RIMS2: variants seen among roughly 807,000 people sequenced by gnomAD.
RIMS2 encodes the protein regulating synaptic membrane exocytosis 2, also known as regulating synaptic membrane exocytosis protein 2.
A neutral mutation model predicts 174.4 loss-of-function variants in RIMS2; 59 were observed. That is an observed-to-expected ratio of 0.34 (90% confidence interval 0.27 to 0.42). The LOEUF (loss-of-function observed/expected upper bound fraction) is 0.42. RIMS2 is among the 10% of genes least tolerant of loss of function. RIMS2 has a pLI of 1.00. For synonymous variants in RIMS2, 606 were observed against 572.5 expected (o/e 1.06, Z -0.84); for missense variants, 1,620 against 1,666.3 (o/e 0.97, Z 0.48).
intron 19 of RIMS2, among the ~76,000 whole-genome samples, chr8:104,096,872 C>G (rs1442668672): frequency 1.5e-5 from 2 of 133,766 alleles, no homozygotes; most frequent in Admixed American, 1.5e-4. Context: ...ATCCGCCCCC[C>G]ACCAAAAAAA....
chr8:104,068,808 A>T (rs1368662162), intron 19 of RIMS2, among the ~76,000 whole-genome samples, 196 bp downstream of exon 23: 4 of 152,222 alleles, frequency 2.6e-5, no homozygotes, highest in Non-Finnish European at 5.9e-5. Context: ...AAAAACTATT[A>T]TAAAATACAG....
At chr8:103,920,888 A>T (rs1479862425) in intron 9 of RIMS2, 1 of 333,040 alleles carries the variant, frequency 3.0e-6, no homozygotes, top group Non-Finnish European at 5.8e-6. Context: ...AGTCCCAGCT[A>T]CTTGGGAGGC....
At chr8:104,073,132 A>G (rs2097222698) in intron 19 of RIMS2, among the ~76,000 whole-genome samples, 1 of 152,174 alleles carries the variant, frequency 6.6e-6, no homozygotes, top group South Asian at 2.1e-4. Flanking sequence ...TTAACAGTGT[A>G]AATTATGGTT....
rs1459468943 is a variant in RIMS2 at position 104,085,675 on chromosome 8, T to C, written c.3334+71060T>C. Among the ~76,000 whole-genome samples, 22 of 152,286 alleles carry C rather than the reference T, an allele frequency of 1.4e-4. 1 individual carries two copies. In the South Asian group the frequency reaches 4.4e-3, roughly 30 times the overall value. On this transcript the variant is annotated intron_variant, in intron 19 of 23. Transcript: ENST00000504942. ...CCGATAGCTAAATATTTAGATAATA[T>C]TTGTTTCCATTAAATGACTAAGTAA...
At chr8:104,188,229 A>AGATC (rs1554594318) in intron 19 of RIMS2, among the ~76,000 whole-genome samples, 8 of 131,528 alleles carry the variant, frequency 6.1e-5, no homozygotes, top group African/African-American at 1.8e-4. Flanking sequence ...TCAGATAGAT[A>AGATC]GATAGATAGA....
intron 2 of RIMS2, among the ~76,000 whole-genome samples, chr8:103,759,746 T>A (rs1591815540): frequency 1.3e-5 from 2 of 152,182 alleles, no homozygotes; most frequent in South Asian, 4.2e-4. Flanking sequence ...AATAGACAGC[T>A]TTTGCCATAG....
chr8:104,233,030 G>A (rs915861136), intron 19 of RIMS2, among the ~76,000 whole-genome samples: 14 of 151,992 alleles, frequency 9.2e-5, no homozygotes, highest in African/African-American at 3.4e-4. Context: ...TTAAATAAGA[G>A]TTTGTCATAT....
chr8:103,930,599 C>T (rs1271454654), intron 11 of RIMS2, among the ~76,000 whole-genome samples: 1 of 152,058 alleles, frequency 6.6e-6, no homozygotes, highest in Non-Finnish European at 1.5e-5. Flanking sequence ...AAATTGTTCT[C>T]ATTTTCTTAT....
At chr8:103,854,283 G>A (rs1426450321) in intron 3 of RIMS2, among the ~76,000 whole-genome samples, 1 of 151,976 alleles carries the variant, frequency 6.6e-6, no homozygotes, top group Admixed American at 6.6e-5. Context: ...GGTTTCCTAG[G>A]TATAGAATTA....
At chr8:103,907,984 G>A (rs562725968) in intron 4 of RIMS2, among the ~76,000 whole-genome samples, 65 of 151,524 alleles carry the variant, frequency 4.3e-4, no homozygotes, top group African/African-American at 1.2e-3. Context: ...TCCTGACCTC[G>A]AGATCCGCCC....
At chr8:103,916,307 A>G in intron 7 of RIMS2, 107 bp from the exon 11 acceptor site, 1 of 746,650 alleles carries the variant, frequency 1.3e-6, no homozygotes, top group Non-Finnish European at 2.2e-6. Context: ...GTATTGTATA[A>G]TGGTTATTTT....
At chr8:103,596,121 T>C (rs2094469974) in intron 1 of RIMS2, among the ~76,000 whole-genome samples, 1 of 152,048 alleles carries the variant, frequency 6.6e-6, no homozygotes, top group Admixed American at 6.6e-5. Flanking sequence ...TTTTATGTAC[T>C]TCTTAAATAA....
At chr8:103,697,226 A>G in exon 2 of RIMS2, 2 of 1,613,868 alleles carry the variant, frequency 1.2e-6, no homozygotes, top group Non-Finnish European at 1.7e-6. Flanking sequence ...GGATGTGGCC[A>G]TAACTGTTCA....
At chr8:103,881,996 A>T (rs1328575871) in intron 3 of RIMS2, among the ~76,000 whole-genome samples, 1 of 151,488 alleles carries the variant, frequency 6.6e-6, no homozygotes, top group African/African-American at 2.4e-5. Flanking sequence ...GAAAGGCATA[A>T]TTTTGGATTC....
At chr8:103,830,747 C>A (rs1347382180) in intron 3 of RIMS2, among the ~76,000 whole-genome samples, 3 of 152,132 alleles carry the variant, frequency 2.0e-5, no homozygotes, top group Non-Finnish European at 2.9e-5. Context: ...CTTTTTAATT[C>A]TGTCAGCTTT....
At chr8:103,891,259 T>C (rs1270433252) in intron 4 of RIMS2, among the ~76,000 whole-genome samples, 1 of 152,060 alleles carries the variant, frequency 6.6e-6, no homozygotes, top group Non-Finnish European at 1.5e-5. Context: ...TTTGTTATAA[T>C]GTAAAATATA....
At chr8:103,597,993 G>A (rs1664781645) in intron 1 of RIMS2, among the ~76,000 whole-genome samples, 1 of 152,084 alleles carries the variant, frequency 6.6e-6, no homozygotes, top group South Asian at 2.1e-4. Context: ...ATATGTAAAT[G>A]TCTTTCTTGC....
chr8:103,726,078 G>A (rs1156954124), intron 2 of RIMS2, among the ~76,000 whole-genome samples: 1 of 152,096 alleles, frequency 6.6e-6, no homozygotes. Flanking sequence ...TATATAGATG[G>A]TTCCTGACTT....
At chr8:103,978,930 A>C (rs1423665595) in intron 16 of RIMS2, among the ~76,000 whole-genome samples, 4 of 152,238 alleles carry the variant, frequency 2.6e-5, no homozygotes, top group African/African-American at 9.6e-5. Context: ...AAGAATACAA[A>C]TTATTTTTAA....
Sources: gnomAD v4.1 joint callset for allele counts (sites outside exome capture counted in the v4.1 genomes callset) on GRCh38, gnomAD v4.1.1 for gene constraint, MANE v1.5 for transcripts, NCBI Gene and HGNC (gene_info 2026-07-23, HGNC 2026-07-21) for gene names.